The following CACNA1E variants were observed in gnomAD, a reference collection of about 807,000 sequenced individuals.
The protein encoded by CACNA1E is calcium voltage-gated channel subunit alpha1 E, also known as voltage-dependent R-type calcium channel subunit alpha-1E.
A neutral mutation model predicts 259.2 loss-of-function variants in CACNA1E; 40 were observed. That is an observed-to-expected ratio of 0.15 (90% CI 0.12 to 0.20). The LOEUF (loss-of-function observed/expected upper bound fraction) is 0.20. Ranked by LOEUF, CACNA1E falls within the 10% of genes least tolerant of loss-of-function variation. The pLI, the probability that CACNA1E is intolerant of heterozygous loss-of-function variation, is 1.00. For synonymous variants in CACNA1E, 1,104 were observed against 1,138.5 expected (o/e 0.97, Z 0.61); for missense variants, 1,874 against 3,040.1 (o/e 0.62, Z 9.02).
rs569108645 is a variant in CACNA1E at position 181,737,727 on chromosome 1, A to C, written c.3552+73A>C. On this transcript the variant is annotated intron_variant, in intron 23 of 47. Coordinates refer to ENST00000367573, the MANE Select transcript of CACNA1E (RefSeq NM_001205293.3). Reference sequence around the variant, plus strand: ...CACCCCATCCCAGCACTGGAGGTGAACCGAGATGGTAGCAAGGTTTCTGGG... The same window carrying C: ...CACCCCATCCCAGCACTGGAGGTGACCCGAGATGGTAGCAAGGTTTCTGGG... 197 of 1,549,268 alleles carry C rather than the reference A, an allele frequency of 1.3e-4. 3 individuals are homozygous for C. In the South Asian group the frequency reaches 2.0e-3, roughly 16 times the overall value.
intron 2 of CACNA1E, among the ~76,000 whole-genome samples, chr1:181,440,983 CAAAAAAAAAAAAAAAAAAAAAAA>C (rs60257271): frequency 4.5e-4 from 17 of 38,170 alleles, no homozygotes; most frequent in Non-Finnish European, 5.8e-4. Flanking sequence ...GACCTTGTTT[CAAAAAAAAAAAAAAAAAAAAAAA>C]AAAAAAAAAA....
At chr1:181,782,522 C>A (rs1660513181) in intron 39 of CACNA1E, among the ~76,000 whole-genome samples, 1 of 152,212 alleles carries the variant, frequency 6.6e-6, no homozygotes. Flanking sequence ...GAACTCAAAT[C>A]CAAACAAGAA....
rs1011825666 is a variant in CACNA1E at position 181,485,229 on chromosome 1, G to A, written c.266+1219G>A. 6.6e-6 allele frequency among the ~76,000 whole-genome samples: 1 copy of A among 152,172 alleles called. No individual in the cohort carries two copies. Among genetic ancestry groups the A allele is most frequent in the African/African-American group, 2.4e-5 (1 of 41,426 alleles). On this transcript the variant is annotated intron_variant, in intron 1 of 47. Transcript: ENST00000367573. This position sits in a 1 kb window ranked among gnomAD's most constrained non-coding sequence, Gnocchi z 4.2. ...CCTCTTTCCCACCCCCACCGTCCAGGTGTGCAGCAGTGAGGCAGCTGGAGC... is the reference window on the plus strand; with the variant it reads ...CCTCTTTCCCACCCCCACCGTCCAGATGTGCAGCAGTGAGGCAGCTGGAGC...
chr1:181,440,641 A>T (rs1660397948), intron 2 of CACNA1E, among the ~76,000 whole-genome samples: 1 of 152,116 alleles, frequency 6.6e-6, no homozygotes, highest in African/African-American at 2.4e-5. Context: ...TCAACAGAGG[A>T]TGCCCTGCCT....
chr1:181,733,924 C>T (rs529390256), intron 21 of CACNA1E, among the ~76,000 whole-genome samples, 174 bp downstream of exon 21: 2 of 152,358 alleles, frequency 1.3e-5, no homozygotes, highest in South Asian at 4.1e-4. Context: ...AGCTAGCGTT[C>T]TCTTCATCTT....
At chr1:181,346,654 C>G (rs932589636) in intron 1 of CACNA1E, among the ~76,000 whole-genome samples, 3 of 152,238 alleles carry the variant, frequency 2.0e-5, no homozygotes, top group African/African-American at 7.2e-5. Flanking sequence ...GTCAGCCAAT[C>G]TCAGGTGTGT....
chr1:181,806,639 C>T lies in CACNA1E; in HGVS notation c.*7805C>T, dbSNP rs998396057. ...TCTCTCCTAAAGCCACAGTTCAGCA[C>T]TGCATGTTGACCAGGCGGATATCCT... On this transcript the variant is annotated 3_prime_UTR_variant, in exon 48 of 48. Coordinates refer to ENST00000367573, the MANE Select transcript of CACNA1E (RefSeq NM_001205293.3). 1.3e-5 allele frequency: 2 copies of T among 152,156 alleles called. No individual in the cohort carries two copies. Among genetic ancestry groups the T allele is most frequent in the African/African-American group, 2.4e-5 (1 of 41,426 alleles). The allele number at this position is 152,156 out of a possible 1,614,324, so 9.4% of individuals were successfully genotyped here.
rs1216886576 is a variant in CACNA1E, at chr1:181,798,157, A to C, written c.6400-135A>C. 7.3e-6 allele frequency: 5 copies of C among 686,390 alleles called. No homozygotes were observed. The highest frequency in any genetic ancestry group is 1.8e-5 in the African/African-American group (1 of 56,160). The allele number at this position is 686,390 out of a possible 1,614,324, so 42.5% of individuals were successfully genotyped here. ...CTTCAATCCCTTTTTCCCTGAGTGG[A>C]TGTGAATACTACAGGGAGCTCCAGC... On this transcript the variant is annotated intron_variant, in intron 47 of 47. Coordinates refer to ENST00000367573, the MANE Select transcript of CACNA1E (RefSeq NM_001205293.3). The surrounding 1 kb of genome is among the most constrained non-coding windows in gnomAD (Gnocchi z 4.2).
chr1:181,433,642 T>A (rs936333186), intron 2 of CACNA1E, among the ~76,000 whole-genome samples: 2 of 152,358 alleles, frequency 1.3e-5, no homozygotes, highest in African/African-American at 4.8e-5. Context: ...GTGCTTATCT[T>A]TGGTCTTTTT....
chr1:181,752,686 T>G (rs1657701229), intron 27 of CACNA1E, among the ~76,000 whole-genome samples: 1 of 152,254 alleles, frequency 6.6e-6, no homozygotes, highest in Non-Finnish European at 1.5e-5. Context: ...CTTCTAGCCC[T>G]ACCCTTCATA....
chr1:181,699,661 C>T (rs1428869989), intron 7 of CACNA1E, among the ~76,000 whole-genome samples: 1 of 152,150 alleles, frequency 6.6e-6, no homozygotes, highest in Non-Finnish European at 1.5e-5. Flanking sequence ...AGGGAGGCTA[C>T]TGCGCTCTTG....
At chr1:181,584,425 A>G (rs966014794) in intron 6 of CACNA1E, among the ~76,000 whole-genome samples, 1 of 152,226 alleles carries the variant, frequency 6.6e-6, no homozygotes, top group Non-Finnish European at 1.5e-5. Context: ...GCTTTTGGCA[A>G]GAAGAGGCAA....
In CACNA1E at chr1:181,613,949, T is replaced by C. The variant is rs180703603; in HGVS notation, c.951+33173T>C. On this transcript the variant is annotated intron_variant, in intron 6 of 47. Coordinates refer to ENST00000367573, the MANE Select transcript of CACNA1E (RefSeq NM_001205293.3). ...GACATTTTTTTAAGCCAAATATCTTTCTAAAATTATCAAACCATCCTTTGC... is the reference window on the plus strand; with the variant it reads ...GACATTTTTTTAAGCCAAATATCTTCCTAAAATTATCAAACCATCCTTTGC... 3.0e-4 allele frequency among the ~76,000 whole-genome samples: 46 copies of C among 152,314 alleles called. 1 individual carries two copies. The highest frequency in any genetic ancestry group is 1.1e-3 in the African/African-American group (45 of 41,572).
intron 1 of CACNA1E, among the ~76,000 whole-genome samples, chr1:181,401,183 C>T (rs1421669453): frequency 1.3e-5 from 2 of 152,142 alleles, no homozygotes; most frequent in African/African-American, 2.4e-5. Flanking sequence ...TCACTTATTT[C>T]GAATATGCTG....
chr1:181,628,171 G>T (rs1007210864), intron 6 of CACNA1E, among the ~76,000 whole-genome samples: 1 of 152,130 alleles, frequency 6.6e-6, no homozygotes, highest in African/African-American at 2.4e-5. Context: ...GCAAATGCAC[G>T]TGTTCAGCTG....
intron 6 of CACNA1E, among the ~76,000 whole-genome samples, chr1:181,633,834 G>A (rs765065915): frequency 2.0e-5 from 3 of 152,210 alleles, no homozygotes; most frequent in Non-Finnish European, 2.9e-5. Flanking sequence ...GCTATCCCAT[G>A]ATAGGAATTA....
At chr1:181,555,414 C>T (rs959522119) in intron 3 of CACNA1E, among the ~76,000 whole-genome samples, 17 of 152,200 alleles carry the variant, frequency 1.1e-4, no homozygotes, top group African/African-American at 3.6e-4. Flanking sequence ...CAAGACATAT[C>T]GATCCTGGTC....
rs1007752538 is a variant in CACNA1E at position 181,683,469 on chromosome 1, G to A, written c.1056-27485G>A. On this transcript the variant is annotated intron_variant, in intron 7 of 47. Coordinates refer to ENST00000367573, the MANE Select transcript of CACNA1E (RefSeq NM_001205293.3). ...TTTTATTTTAGGTTCAAGGAGGTAC[G>A]TGTGCAAGTTTGTTACATAGGTAAA... is the stretch of plus-strand genomic sequence containing the variant. Among the ~76,000 whole-genome samples the A allele has an allele frequency of 5.3e-5, 8 of 152,124 alleles. 1 individual carries two copies. The highest frequency in any genetic ancestry group is 2.0e-4 in the Admixed American group (3 of 15,276).
intron 3 of CACNA1E, among the ~76,000 whole-genome samples, chr1:181,545,192 G>C (rs1647314203): frequency 6.6e-6 from 1 of 152,202 alleles, no homozygotes; most frequent in Non-Finnish European, 1.5e-5. Flanking sequence ...CCCAGAAGGA[G>C]GGGATGAAAA....
Sources: allele counts gnomAD v4.1 joint callset (sites outside exome capture counted in the v4.1 genomes callset), GRCh38; gene constraint gnomAD v4.1.1; non-coding constraint Gnocchi (gnomAD v3.1); transcripts MANE v1.5; gene names NCBI Gene and HGNC (gene_info 2026-07-23, HGNC 2026-07-21).